Variants in DLC1 observed in about 807,000 individuals in gnomAD.
The protein encoded by DLC1 is DLC1 Rho GTPase activating protein, also known as rho GTPase-activating protein 7.
A neutral mutation model predicts 140.3 loss-of-function variants in DLC1; 54 were observed. The ratio of observed to expected loss-of-function variants is 0.38; its 90% CI spans 0.31 to 0.48. The LOEUF (loss-of-function observed/expected upper bound fraction) is 0.48. DLC1 is among the 20% of genes least tolerant of loss of function. The pLI, the probability that DLC1 is intolerant of heterozygous loss-of-function variation, is 0.96. For synonymous variants in DLC1, 986 were observed against 728.1 expected, an observed-to-expected ratio of 1.35 and a Z score of -5.70; for missense variants, 2,536 against 1,907.0, an observed-to-expected ratio of 1.33 and a Z score of -6.14.
chr8:13,516,803 C>A (rs1359635945), upstream of DLC1, among the ~76,000 whole-genome samples: 1 of 152,108 alleles, frequency 6.6e-6, no homozygotes, highest in South Asian at 2.1e-4. Flanking sequence ...ATCTTTCCAA[C>A]AATTTTGCGT....
intron 5 of DLC1, among the ~76,000 whole-genome samples, chr8:13,142,362 C>G (rs1040387041): frequency 6.6e-6 from 1 of 152,118 alleles, no homozygotes; most frequent in Non-Finnish European, 1.5e-5. Flanking sequence ...ATTTTCTGTT[C>G]CTGAACAAAC....
intron 1 of DLC1, among the ~76,000 whole-genome samples, chr8:13,596,344 G>T (rs868318840): frequency 3.3e-5 from 5 of 151,926 alleles, no homozygotes; most frequent in African/African-American, 1.2e-4. Flanking sequence ...TCTTGGCAGA[G>T]CCCCTCAGTC....
intron 5 of DLC1, among the ~76,000 whole-genome samples, chr8:13,257,873 C>A (rs1293545642): frequency 6.6e-6 from 1 of 152,182 alleles, no homozygotes; most frequent in South Asian, 2.1e-4. Flanking sequence ...TAGTCAGGAG[C>A]AAGCTTTGTA....
At chr8:13,350,733 A>C (rs1834617940) in intron 4 of DLC1, among the ~76,000 whole-genome samples, 1 of 152,114 alleles carries the variant, frequency 6.6e-6, no homozygotes, top group African/African-American at 2.4e-5. Context: ...AAATAAATAA[A>C]TAAATATAAA....
intron 1 of DLC1, among the ~76,000 whole-genome samples, chr8:13,564,279 T>C (rs1042417079): frequency 5.3e-4 from 80 of 152,192 alleles, no homozygotes; most frequent in African/African-American, 1.8e-3. Flanking sequence ...ACAAAAAAAT[T>C]GAACAACTAT....
intron 5 of DLC1, among the ~76,000 whole-genome samples, chr8:13,290,050 C>T (rs1299212727): frequency 1.5e-5 from 2 of 129,620 alleles, no homozygotes; most frequent in African/African-American, 5.7e-5. Context: ...GTAGTGTCTT[C>T]AATAGTTTTA....
At chr8:13,360,856 T>C (rs1206112925) in intron 4 of DLC1, among the ~76,000 whole-genome samples, 1 of 151,932 alleles carries the variant, frequency 6.6e-6, no homozygotes, top group Non-Finnish European at 1.5e-5. Flanking sequence ...TTTGCATGGC[T>C]GGGCTCATGT....
intron 4 of DLC1, among the ~76,000 whole-genome samples, chr8:13,347,971 C>T (rs368328304): frequency 6.6e-6 from 1 of 152,204 alleles, no homozygotes; most frequent in African/African-American, 2.4e-5. Flanking sequence ...CACCTGTAGT[C>T]CCAGCTACTT....
intron 5 of DLC1, among the ~76,000 whole-genome samples, chr8:13,290,851 G>A (rs1014147381): frequency 5.3e-5 from 8 of 152,178 alleles, no homozygotes; most frequent in African/African-American, 1.9e-4. Flanking sequence ...GCACTAGGGG[G>A]CAACTGGAAT....
At chr8:13,552,850 A>G (rs970359308) in intron 1 of DLC1, among the ~76,000 whole-genome samples, 1 of 152,116 alleles carries the variant, frequency 6.6e-6, no homozygotes. Context: ...GAAAATGATC[A>G]CAGAAAACAC....
intron 5 of DLC1, among the ~76,000 whole-genome samples, chr8:13,131,069 G>C (rs2128962789): frequency 6.6e-6 from 1 of 152,272 alleles, no homozygotes; most frequent in South Asian, 2.1e-4. Context: ...CTAACCATTT[G>C]ACACTGGTTC....
intron 2 of DLC1, among the ~76,000 whole-genome samples, chr8:13,471,539 G>C (rs1228690134): frequency 2.7e-5 from 4 of 150,334 alleles, no homozygotes; most frequent in Non-Finnish European, 5.9e-5. Flanking sequence ...GGGAGGGAAG[G>C]AGGGAGGGAA....
intron 2 of DLC1, among the ~76,000 whole-genome samples, chr8:13,482,315 C>T (rs1800774223): frequency 6.7e-6 from 1 of 149,742 alleles, no homozygotes; most frequent in African/African-American, 2.5e-5. Flanking sequence ...GACAGTTAAT[C>T]ATGGTGTCTA....
chr8:13,324,069 G>T (rs912377146), intron 4 of DLC1, among the ~76,000 whole-genome samples: 8 of 152,300 alleles, frequency 5.3e-5, no homozygotes, highest in African/African-American at 1.9e-4. Flanking sequence ...AGTTAATACA[G>T]TGTCTGACAA....
intron 15 of DLC1, 100 bp from the exon 16 acceptor site, chr8:13,088,804 T>C (rs974284907): frequency 4.4e-6 from 4 of 900,008 alleles, no homozygotes; most frequent in Non-Finnish European, 6.9e-6. Context: ...TTACATATAA[T>C]CAACGTTAAT....
At chr8:13,348,412 T>A (rs1214277185) in intron 4 of DLC1, among the ~76,000 whole-genome samples, 1 of 152,174 alleles carries the variant, frequency 6.6e-6, no homozygotes, top group Non-Finnish European at 1.5e-5. Context: ...GATAGGGTCC[T>A]ACTGAAATTT....
At chr8:13,424,837 T>C (rs1422292374) in intron 2 of DLC1, among the ~76,000 whole-genome samples, 1 of 152,122 alleles carries the variant, frequency 6.6e-6, no homozygotes, top group East Asian at 1.9e-4. Context: ...CCTCCCAAAG[T>C]GCTGGGATTA....
chr8:13,530,857 TG>T (rs1303694107), intron 1 of DLC1, among the ~76,000 whole-genome samples: 16 of 152,158 alleles, frequency 1.1e-4, no homozygotes, highest in African/African-American at 3.9e-4. Context: ...TAAAAACAAA[TG>T]AAAAACTCTT....
In DLC1 at chr8:13,506,573, G is replaced by GTGTGTC. The variant is rs1554534343; in HGVS notation, c.-125-6378_-125-6377insGACACA. 9.4e-3 allele frequency among the ~76,000 whole-genome samples: 90 copies of GTGTGTC among 9,572 alleles called. 6 individuals carry two copies. The highest frequency in any genetic ancestry group is 0.044 in the South Asian group (19 of 434). The allele number at this position is 9,572 out of a possible 152,430, so 6.3% of individuals were successfully genotyped here. On this transcript the variant is annotated intron_variant, in intron 1 of 17. Coordinates refer to ENST00000276297, the MANE Select transcript of DLC1 (RefSeq NM_182643.3). ...CACACACACACACACACACATGTGT[G>GTGTGTC]TGTGTGTGTATATATATATATATAT...
Sources: gnomAD v4.1 joint callset for allele counts (sites outside exome capture counted in the v4.1 genomes callset) on GRCh38, gnomAD v4.1.1 for gene constraint, MANE v1.5 for transcripts, NCBI Gene and HGNC (gene_info 2026-07-23, HGNC 2026-07-21) for gene names.